Variants in TNFRSF11A observed in about 807,000 individuals in gnomAD.
The protein encoded by TNFRSF11A is TNF receptor superfamily member 11a, also known as tumor necrosis factor receptor superfamily member 11A.
In TNFRSF11A, 32 loss-of-function variants were observed where a neutral mutation model predicts 55.7. That is an observed-to-expected ratio of 0.57 (90% CI 0.43 to 0.77). The LOEUF (loss-of-function observed/expected upper bound fraction) is 0.77, where lower values mean the gene tolerates loss of function less well. Among genes scored for constraint, TNFRSF11A ranks in the 30% least tolerant of loss-of-function variants. The pLI is 0.00. For missense variants in TNFRSF11A, 753 were observed against 809.8 expected (o/e 0.93, Z 0.85); for synonymous variants, 311 against 331.0 (o/e 0.94, Z 0.65).
intron 4 of TNFRSF11A, among the ~76,000 whole-genome samples, chr18:62,357,602 C>G (rs1208007259): frequency 1.3e-5 from 2 of 152,202 alleles, no homozygotes; most frequent in East Asian, 3.8e-4. Context: ...CCTGCAAAGC[C>G]TAAGATATTT....
At chr18:62,364,832 AT>A (rs1428512411) in intron 7 of TNFRSF11A, among the ~76,000 whole-genome samples, 2 of 152,080 alleles carry the variant, frequency 1.3e-5, no homozygotes, top group Non-Finnish European at 2.9e-5. Flanking sequence ...TATTTCCCCT[AT>A]TTTGTGATGA....
chr18:62,355,339 A>T, intron 4 of TNFRSF11A, among the ~76,000 whole-genome samples: 1 of 151,998 alleles, frequency 6.6e-6, no homozygotes, highest in East Asian at 1.9e-4. Flanking sequence ...GTGCAATGGC[A>T]CAATCTCGGC....
chr18:62,358,102 G>T, intron 4 of TNFRSF11A, 146 bp from the exon 5 acceptor site: 1 of 712,586 alleles, frequency 1.4e-6, no homozygotes. Context: ...TAGACACAGG[G>T]GTGGGCACAG....
intron 1 of TNFRSF11A, among the ~76,000 whole-genome samples, chr18:62,344,169 T>A (rs1278912991): frequency 1.3e-5 from 2 of 152,200 alleles, no homozygotes; most frequent in Non-Finnish European, 1.5e-5. Flanking sequence ...GAAGAGTGAC[T>A]GGGAGAGACT....
intron 4 of TNFRSF11A, among the ~76,000 whole-genome samples, chr18:62,356,247 A>C (rs35773680): frequency 0.24 from 37,051 of 152,136 alleles, 6,091 homozygotes; most frequent in East Asian, 0.57. Context: ...TATCCATTTC[A>C]ATTCATATCA....
chr18:62,328,870 C>G (rs1362125335), intron 1 of TNFRSF11A, among the ~76,000 whole-genome samples: 1 of 152,236 alleles, frequency 6.6e-6, no homozygotes. Flanking sequence ...GGAACATACT[C>G]CCTGTGTTGA....
At position 62,354,527 on chromosome 18, in the gene TNFRSF11A, G is replaced by C; in HGVS notation, c.420G>C (p.Gln140His). Reference protein sequence around the residue: ...NTECAPGLGAQHPLQLNKDTV... With the variant: ...NTECAPGLGAHHPLQLNKDTV... The stretch of plus-strand genomic sequence containing the variant: ...AGTGCGCGCCGGGCCTGGGCGCCCA[G>C]CACCCGTGTACGGGTTGGATGTGTG... Residue 140 changes from glutamine (Q) to histidine (H), a missense_variant, in exon 4 of 10, where the codon CAG becomes CAC. Around this residue, in one of 3 missense-constraint regions of TNFRSF11A, gnomAD observed 30 missense variants for 58.0 expected, o/e 0.52. Coordinates refer to ENST00000586569, the MANE Select transcript of TNFRSF11A (RefSeq NM_003839.4). 1 of 1,602,868 alleles carries C rather than the reference G, an allele frequency of 6.2e-7. No homozygotes were observed. The highest frequency in any genetic ancestry group is 8.5e-7 in the Non-Finnish European group (1 of 1,179,332).
chr18:62,384,784 T>C lies in TNFRSF11A; in HGVS notation c.1601T>C (p.Ile534Thr), dbSNP rs1446440555. The change falls in exon 10 of 10, where the codon ATC (isoleucine) becomes ACC (threonine). Residue 534 changes from isoleucine (I) to threonine (T), a missense_variant. Physicochemically the swap from Ile to Thr is moderately conservative, Grantham distance 89. Transcript: ENST00000586569. ...ACTGGAAACAGTAACTCCACGTTCA[T>C]CTCCAGCGGGCAGGTGATGAACTTC... The part of the protein sequence containing the change: ...NVTGNSNSTF[I>T]SSGQVMNFKG... 6.2e-7 allele frequency: 1 copy of C among 1,612,686 alleles called. No homozygotes were observed. The highest frequency in any genetic ancestry group is 2.2e-5 in the East Asian group (1 of 44,812).
intron 9 of TNFRSF11A, among the ~76,000 whole-genome samples, chr18:62,380,801 T>C (rs983041736): frequency 5.9e-4 from 81 of 138,082 alleles, no homozygotes; most frequent in African/African-American, 2.0e-3. Flanking sequence ...CCAAAAATAA[T>C]ATTCTTTTTT....
Position 62,337,547 on chromosome 18 carries a change from T to G in TNFRSF11A, c.76-10621T>G, listed in dbSNP as rs545177997. 2.6e-5 allele frequency among the ~76,000 whole-genome samples: 4 copies of G among 152,330 alleles called. No individual in the cohort carries two copies. In the East Asian group the frequency reaches 7.7e-4, roughly 29 times the overall value. ...TGTTTCTCCGTCAAGCCGTGCATGC[T>G]TCCTCCAAGGGCCTTGGCAAATATG... On this transcript the variant is annotated intron_variant, in intron 1 of 9. Transcript: ENST00000586569.
At chr18:62,371,457 T>C (rs1910547565) in intron 9 of TNFRSF11A, among the ~76,000 whole-genome samples, 1 of 152,194 alleles carries the variant, frequency 6.6e-6, no homozygotes. Context: ...CTAGTCTGTT[T>C]TTCATCATCT....
intron 7 of TNFRSF11A, among the ~76,000 whole-genome samples, chr18:62,363,982 T>C (rs1186416255): frequency 1.3e-5 from 2 of 152,208 alleles, no homozygotes; most frequent in Non-Finnish European, 2.9e-5. Context: ...GGGGTCTCAA[T>C]ATCGAGCAAC....
chr18:62,341,836 C>CTTTTTTTTT (rs34047775), intron 1 of TNFRSF11A, among the ~76,000 whole-genome samples: 8 of 85,202 alleles, frequency 9.4e-5, no homozygotes, highest in East Asian at 4.5e-4. Context: ...CTGAGAATGG[C>CTTTTTTTTT]TTTTTTTTTT....
intron 1 of TNFRSF11A, among the ~76,000 whole-genome samples, chr18:62,336,123 A>G (rs4371263): frequency 0.15 from 23,242 of 152,232 alleles, 2,407 homozygotes; most frequent in Middle Eastern, 0.28. Context: ...CTCAATGTCT[A>G]TTGTACAGTC....
Position 62,375,933 on chromosome 18 carries a change from G to A in TNFRSF11A, c.1567+6449G>A, listed in dbSNP as rs549906861. Among the ~76,000 whole-genome samples the A allele has an allele frequency of 1.6e-3, 239 of 152,336 alleles. 2 individuals carry two copies. Among genetic ancestry groups the A allele is most frequent in the African/African-American group, 5.5e-3 (230 of 41,576 alleles). ...ATGATCACCTGAGCCCAGAAGGTCA[G>A]GGCTGCAGTGCAACCTTAAACCACC... On this transcript the variant is annotated intron_variant, in intron 9 of 9. Transcript: ENST00000586569.
At chr18:62,384,707 G>A in intron 9 of TNFRSF11A, 44 bp from the exon 10 acceptor site, 1 of 1,599,658 alleles carries the variant, frequency 6.3e-7, no homozygotes, top group Non-Finnish European at 8.5e-7. Flanking sequence ...CTGCCTCCGG[G>A]CGCTGACTCA....
At chr18:62,332,565 A>G (rs967112661) in intron 1 of TNFRSF11A, among the ~76,000 whole-genome samples, 2 of 152,354 alleles carry the variant, frequency 1.3e-5, no homozygotes, top group African/African-American at 4.8e-5. Context: ...CTAACATGTC[A>G]CAATTTGACC....
At chr18:62,347,667 C>T (rs1600373132) in intron 1 of TNFRSF11A, among the ~76,000 whole-genome samples, 1 of 152,108 alleles carries the variant, frequency 6.6e-6, no homozygotes, top group East Asian at 1.9e-4. Context: ...AATCCCAGCA[C>T]TTTGGGAGGC....
rs143271958 is a variant in TNFRSF11A at position 62,382,600 on chromosome 18, T to A, written c.1568-2151T>A. 5.1e-3 allele frequency among the ~76,000 whole-genome samples: 781 copies of A among 152,316 alleles called. 9 individuals are homozygous for A. Among genetic ancestry groups the A allele is most frequent in the African/African-American group, 0.018 (737 of 41,556 alleles). On this transcript the variant is annotated intron_variant, in intron 9 of 9. Coordinates refer to ENST00000586569, the MANE Select transcript of TNFRSF11A (RefSeq NM_003839.4). ...AACTGTCTCATTGTCATATTTGTGT[T>A]CTAGAATATTTTGAGTGATAATGTC... is the stretch of plus-strand genomic sequence containing the variant.
Sources: gnomAD v4.1 joint callset for allele counts (sites outside exome capture counted in the v4.1 genomes callset) on GRCh38, gnomAD v4.1.1 for gene constraint, gnomAD v4.1.1 regional missense constraint, MANE v1.5 for transcripts, NCBI Gene and HGNC (gene_info 2026-07-23, HGNC 2026-07-21) for gene names.